Variants in CELF4 observed in about 807,000 individuals in gnomAD.
CELF4 encodes the protein CUGBP Elav-like family member 4.
A neutral mutation model predicts 59.9 loss-of-function variants in CELF4; 18 were observed. The ratio of observed to expected loss-of-function variants is 0.30; its 90% CI spans 0.21 to 0.45. CELF4 has a LOEUF of 0.45. Among genes scored for constraint, CELF4 ranks in the 20% least tolerant of loss-of-function variants. The probability of loss-of-function intolerance (pLI) is 1.00; values close to 1 mark genes in which losing one functional copy is unlikely to be tolerated. For missense variants in CELF4, 456 were observed against 689.0 expected, an observed-to-expected ratio of 0.66 and a Z score of 3.79; for synonymous variants, 261 against 267.1, an observed-to-expected ratio of 0.98 and a Z score of 0.22.
intron 1 of CELF4, among the ~76,000 whole-genome samples, chr18:37,563,596 CT>C (rs1568420045): frequency 6.6e-6 from 1 of 152,020 alleles, no homozygotes; most frequent in Non-Finnish European, 1.5e-5. Context: ...AAAGTGTTTT[CT>C]TTTTTTCTTC....
intron 1 of CELF4, among the ~76,000 whole-genome samples, chr18:37,517,910 C>T (rs1252112354): frequency 6.6e-6 from 1 of 152,148 alleles, no homozygotes; most frequent in East Asian, 1.9e-4. Context: ...CTGTGTAGTT[C>T]AGGGTGTGTG....
intron 2 of CELF4, among the ~76,000 whole-genome samples, chr18:37,350,153 A>T (rs759394507): frequency 7.9e-5 from 12 of 152,128 alleles, no homozygotes; most frequent in Non-Finnish European, 1.6e-4. Flanking sequence ...GCCTTCAGCA[A>T]CCAGGGACAG....
chr18:37,335,520 TG>T (rs1222461124), intron 2 of CELF4, among the ~76,000 whole-genome samples: 2 of 150,990 alleles, frequency 1.3e-5, no homozygotes, highest in East Asian at 1.9e-4. Flanking sequence ...TGTGGAGGTG[TG>T]GGGGTGAATG....
chr18:37,529,347 C>A (rs2099967068), intron 1 of CELF4, among the ~76,000 whole-genome samples: 1 of 152,192 alleles, frequency 6.6e-6, no homozygotes, highest in Admixed American at 6.5e-5. Flanking sequence ...CACTATCTGT[C>A]CAGTGCTCTG....
At chr18:37,336,274 A>G (rs1372556662) in intron 2 of CELF4, among the ~76,000 whole-genome samples, 3 of 152,142 alleles carry the variant, frequency 2.0e-5, no homozygotes, top group African/African-American at 4.8e-5. Flanking sequence ...CGCAGGCTGG[A>G]GTGCAGTGGG....
chr18:37,274,578 C>A, intron 5 of CELF4, 124 bp from the exon 6 acceptor site: 1 of 1,579,638 alleles, frequency 6.3e-7, no homozygotes, highest in Middle Eastern at 1.7e-4. Flanking sequence ...GGCATCGGCG[C>A]TCGCCCAGGG....
At chr18:37,303,624 C>T (rs1432832078) in intron 3 of CELF4, among the ~76,000 whole-genome samples, 1 of 152,112 alleles carries the variant, frequency 6.6e-6, no homozygotes, top group African/African-American at 2.4e-5. Context: ...ACACGTCCTC[C>T]TTTTTAGAGC....
At chr18:37,480,067 A>G (rs2099862097) in intron 2 of CELF4, among the ~76,000 whole-genome samples, 1 of 152,204 alleles carries the variant, frequency 6.6e-6, no homozygotes, top group Non-Finnish European at 1.5e-5. Context: ...TTGATTTGGG[A>G]CTGCCAGCCT....
At chr18:37,468,908 G>A (rs1345907553) in intron 2 of CELF4, among the ~76,000 whole-genome samples, 1 of 152,148 alleles carries the variant, frequency 6.6e-6, no homozygotes, top group African/African-American at 2.4e-5. Flanking sequence ...TCCCACTCTT[G>A]ACACGTGGGG....
rs938284050 is a variant in CELF4 at position 37,360,584 on chromosome 18, G to A, written c.370-38703C>T. Among the ~76,000 whole-genome samples, 5 of 152,244 alleles carry A rather than the reference G, an allele frequency of 3.3e-5. No homozygotes were observed. In the East Asian group the frequency reaches 5.8e-4, roughly 18 times the overall value. On this transcript the variant is annotated intron_variant, in intron 2 of 12. Transcript: ENST00000420428. ...TGAGGAAACAGAGGCCCAGATAGGTGAAATCACTTGTCCGAAGCTATGCAC... is the reference window on the plus strand; with the variant it reads ...TGAGGAAACAGAGGCCCAGATAGGTAAAATCACTTGTCCGAAGCTATGCAC...
intron 2 of CELF4, among the ~76,000 whole-genome samples, chr18:37,429,222 C>A (rs922029220): frequency 5.3e-5 from 8 of 152,186 alleles, no homozygotes; most frequent in African/African-American, 1.9e-4. Flanking sequence ...TGACTCCTGA[C>A]AACCTACCTT....
chr18:37,357,770 TGCATCA>T (rs1245658533), intron 2 of CELF4, among the ~76,000 whole-genome samples: 1 of 152,194 alleles, frequency 6.6e-6, no homozygotes, highest in African/African-American at 2.4e-5. Context: ...ACCTACCTCT[TGCATCA>T]GCATGACCTG....
chr18:37,281,708 G>A (rs2094160596), intron 3 of CELF4, among the ~76,000 whole-genome samples: 1 of 152,198 alleles, frequency 6.6e-6, no homozygotes, highest in South Asian at 2.1e-4. Context: ...GGGAGTGACA[G>A]GGACTGGGCA....
chr18:37,505,367 T>C (rs1417715668), intron 1 of CELF4, among the ~76,000 whole-genome samples: 1 of 152,206 alleles, frequency 6.6e-6, no homozygotes, highest in Non-Finnish European at 1.5e-5. Flanking sequence ...TTAATCTTCT[T>C]TGGAAAAGCT....
At chr18:37,559,283 T>G (rs971879889) in intron 1 of CELF4, among the ~76,000 whole-genome samples, 3 of 152,082 alleles carry the variant, frequency 2.0e-5, no homozygotes, top group Non-Finnish European at 4.4e-5. Context: ...CTTGCATCTG[T>G]CATCTCTTCC....
At chr18:37,502,392 G>C (rs1011398255) in intron 1 of CELF4, among the ~76,000 whole-genome samples, 2 of 152,112 alleles carry the variant, frequency 1.3e-5, no homozygotes, top group Non-Finnish European at 1.5e-5. Flanking sequence ...GAGGAAGGAA[G>C]GGGGGGCAGG....
At chr18:37,347,364 C>T (rs182377478) in intron 2 of CELF4, among the ~76,000 whole-genome samples, 108 of 152,166 alleles carry the variant, frequency 7.1e-4, no homozygotes, top group Middle Eastern at 6.8e-3. Context: ...AAGCCGTGTC[C>T]CTCAATCAGG....
chr18:37,455,431 G>C (rs1569569469), intron 2 of CELF4, among the ~76,000 whole-genome samples: 1 of 152,172 alleles, frequency 6.6e-6, no homozygotes, highest in South Asian at 2.1e-4. Context: ...TTCCCACCAA[G>C]GGTGTCACTG....
Position 37,497,615 on chromosome 18 carries a change from G to A in CELF4, c.287-12008C>T, listed in dbSNP as rs1171061075. Reference sequence around the variant, plus strand: ...TGCAGTGAGCTGAGATCACACCACTGTGCTCCAGCCTCGATGACAGAACGA... The same window carrying A: ...TGCAGTGAGCTGAGATCACACCACTATGCTCCAGCCTCGATGACAGAACGA... On this transcript the variant is annotated intron_variant, in intron 1 of 12. Coordinates refer to ENST00000420428, the MANE Select transcript of CELF4 (RefSeq NM_020180.4). Among the ~76,000 whole-genome samples the A allele has an allele frequency of 1.2e-4, 18 of 150,208 alleles. 1 individual carries two copies. In the Middle Eastern group the frequency reaches 0.021, roughly 171 times the overall value.
Sources: gnomAD v4.1 joint callset for allele counts (sites outside exome capture counted in the v4.1 genomes callset) on GRCh38, gnomAD v4.1.1 for gene constraint, MANE v1.5 for transcripts, NCBI Gene and HGNC (gene_info 2026-07-23, HGNC 2026-07-21) for gene names.